FHIT: variants seen among roughly 807,000 people sequenced by gnomAD.
FHIT encodes fragile histidine triad diadenosine triphosphatase.
FHIT carries 19 observed loss-of-function variants against 17.9 expected under a neutral mutation model. The observed-to-expected ratio is 1.06, with a 90% CI of 0.74 to 1.56. The LOEUF is 1.56. Among genes scored for constraint, FHIT ranks in the 40% most tolerant of loss-of-function variants. FHIT has a pLI of 0.00. For synonymous variants in FHIT, 81 were observed against 69.7 expected (o/e 1.16, Z -0.81); for missense variants, 248 against 189.2 (o/e 1.31, Z -1.82).
chr3:60,735,212 T>C (rs1322811390), intron 4 of FHIT, among the ~76,000 whole-genome samples: 2 of 152,192 alleles, frequency 1.3e-5, no homozygotes, highest in Non-Finnish European at 2.9e-5. Flanking sequence ...AAATGATAAA[T>C]GATCAAGGCC....
chr3:61,203,646 C>G (rs181472933), intron 1 of FHIT, among the ~76,000 whole-genome samples: 1 of 151,980 alleles, frequency 6.6e-6, no homozygotes, highest in Non-Finnish European at 1.5e-5. Flanking sequence ...TTAAGCTCTA[C>G]TTGTAAAAAA....
chr3:60,148,092 C>G (rs1329866873), intron 5 of FHIT, among the ~76,000 whole-genome samples: 1 of 151,984 alleles, frequency 6.6e-6, no homozygotes, highest in African/African-American at 2.4e-5. Flanking sequence ...GAGGAGGGTC[C>G]CAAAATACTA....
chr3:60,995,435 C>T (rs923962783), intron 3 of FHIT, among the ~76,000 whole-genome samples: 1 of 152,114 alleles, frequency 6.6e-6, no homozygotes, highest in Non-Finnish European at 1.5e-5. Context: ...AGATGAAATT[C>T]CCACAAGCCC....
At chr3:60,854,038 T>C (rs1293500951) in intron 3 of FHIT, among the ~76,000 whole-genome samples, 2 of 152,070 alleles carry the variant, frequency 1.3e-5, no homozygotes, top group African/African-American at 4.8e-5. Context: ...TAAAACATAA[T>C]ACCCAGGTTG....
At chr3:60,785,825 A>T (rs1192818932) in intron 4 of FHIT, among the ~76,000 whole-genome samples, 1 of 152,032 alleles carries the variant, frequency 6.6e-6, no homozygotes, top group African/African-American at 2.4e-5. Flanking sequence ...ATTAAATGAA[A>T]TCATTCCTTC....
chr3:59,990,173 G>A (rs904896333), intron 7 of FHIT, among the ~76,000 whole-genome samples: 7 of 152,010 alleles, frequency 4.6e-5, no homozygotes, highest in Admixed American at 2.0e-4. Flanking sequence ...TTTTCGAAAA[G>A]TATCTGTAAT....
chr3:60,652,143 G>C (rs1377664396), intron 4 of FHIT, among the ~76,000 whole-genome samples: 1 of 152,130 alleles, frequency 6.6e-6, no homozygotes, highest in Non-Finnish European at 1.5e-5. Context: ...CAGGATGGAA[G>C]AGATTGGTGG....
At chr3:60,231,770 G>A (rs140906609) in intron 5 of FHIT, among the ~76,000 whole-genome samples, 25 of 152,256 alleles carry the variant, frequency 1.6e-4, no homozygotes, top group African/African-American at 5.8e-4. Flanking sequence ...AAATTGGCTA[G>A]GCTATAGTTC....
intron 4 of FHIT, among the ~76,000 whole-genome samples, chr3:60,599,121 C>G (rs1285682695): frequency 1.3e-5 from 2 of 152,160 alleles, no homozygotes; most frequent in Admixed American, 1.3e-4. Flanking sequence ...CTACCAAAAA[C>G]TTGATCCCGC....
chr3:60,517,925 G>C (rs1484865734), intron 5 of FHIT, among the ~76,000 whole-genome samples: 2 of 152,074 alleles, frequency 1.3e-5, no homozygotes, highest in Admixed American at 1.3e-4. Context: ...TTATAAACTT[G>C]GAAATACCAT....
At chr3:60,875,222 T>C (rs1165571582) in intron 3 of FHIT, among the ~76,000 whole-genome samples, 1 of 152,166 alleles carries the variant, frequency 6.6e-6, no homozygotes, top group African/African-American at 2.4e-5. Flanking sequence ...GGAAACCTTT[T>C]CTGATGCTTA....
At chr3:60,641,004 A>ACCCT (rs2107790853) in intron 4 of FHIT, among the ~76,000 whole-genome samples, 1 of 152,032 alleles carries the variant, frequency 6.6e-6, no homozygotes, top group African/African-American at 2.4e-5. Flanking sequence ...ACATGGTGAA[A>ACCCT]CCCTGTCTTT....
At chr3:60,129,091 T>G (rs1426951240) in intron 5 of FHIT, among the ~76,000 whole-genome samples, 2 of 141,218 alleles carry the variant, frequency 1.4e-5, no homozygotes, top group African/African-American at 5.2e-5. Context: ...CTTGCTCCAT[T>G]GCCCAGACTG....
chr3:59,952,066 G>C (rs890593717), intron 7 of FHIT, among the ~76,000 whole-genome samples: 8 of 152,288 alleles, frequency 5.3e-5, no homozygotes, highest in Admixed American at 2.0e-4. Context: ...AAGGGGTACT[G>C]AGAATGGTCC....
chr3:61,129,948 T>C (rs1412738036), intron 2 of FHIT, among the ~76,000 whole-genome samples: 1 of 152,160 alleles, frequency 6.6e-6, no homozygotes, highest in Non-Finnish European at 1.5e-5. Flanking sequence ...TACTGTAAAA[T>C]ATTCAAATGA....
At chr3:59,838,580 C>T (rs1701419128) in intron 8 of FHIT, among the ~76,000 whole-genome samples, 1 of 152,144 alleles carries the variant, frequency 6.6e-6, no homozygotes, top group Admixed American at 6.6e-5. Flanking sequence ...AGCATCTGCT[C>T]TACTGTGGAG....
At chr3:61,206,593 G>T (rs1331966891) in intron 1 of FHIT, among the ~76,000 whole-genome samples, 1 of 152,170 alleles carries the variant, frequency 6.6e-6, no homozygotes, top group Non-Finnish European at 1.5e-5. Flanking sequence ...GTGAATGGGA[G>T]TTCACTCATG....
chr3:60,022,540 G>GCA (rs1700590899), intron 5 of FHIT, among the ~76,000 whole-genome samples: 1 of 152,290 alleles, frequency 6.6e-6, no homozygotes, highest in East Asian at 1.9e-4. Context: ...AGCTGCTCTG[G>GCA]CAGTGAGACC....
At chr3:60,436,605 A>G (rs1467654483) in intron 5 of FHIT, among the ~76,000 whole-genome samples, 4 of 152,078 alleles carry the variant, frequency 2.6e-5, no homozygotes, top group Non-Finnish European at 5.9e-5. Flanking sequence ...TGTGTACACC[A>G]TTCTTCATAA....
Sources: allele counts gnomAD v4.1 joint callset (sites outside exome capture counted in the v4.1 genomes callset), GRCh38; gene constraint gnomAD v4.1.1; transcripts MANE v1.5; gene names NCBI Gene and HGNC (gene_info 2026-07-23, HGNC 2026-07-21).